The following PCDHGA4 variants were observed in gnomAD, a reference collection of about 807,000 sequenced individuals.
PCDHGA4 encodes protocadherin gamma-A4.
A neutral mutation model predicts 54.6 loss-of-function variants in PCDHGA4; 38 were observed. The observed-to-expected ratio is 0.70, with a 90% CI of 0.54 to 0.91. PCDHGA4 has a LOEUF of 0.91. PCDHGA4 is among the 40% of genes least tolerant of loss of function. The pLI, the probability that PCDHGA4 is intolerant of heterozygous loss-of-function variation, is 0.00. For missense variants in PCDHGA4, 1,298 were observed against 1,220.9 expected (o/e 1.06, Z -0.94); for synonymous variants, 511 against 512.9 (o/e 1.00, Z 0.05).
rs762306215 is a variant in PCDHGA4 at position 141,374,474 on chromosome 5, C to A, written c.2514+16853C>A. On this transcript the variant is annotated intron_variant, in intron 1 of 3. Transcript: ENST00000571252. ...AATAGTGGACATTAATGACAATACA[C>A]CCCGATTCTTAAAGGAAGAATTGGA... 3.7e-6 allele frequency: 6 copies of A among 1,612,140 alleles called. No individual in the cohort carries two copies. In the African/African-American group the frequency reaches 4.0e-5, roughly 11 times the overall value.
chr5:141,421,231 G>T (rs1368484504), intron 1 of PCDHGA4: 1 of 1,590,694 alleles, frequency 6.3e-7, no homozygotes, highest in South Asian at 1.1e-5. Context: ...GCCTGCCATG[G>T]CGAATCGGCT....
At chr5:141,408,816 A>T in intron 1 of PCDHGA4, 1 of 1,613,562 alleles carries the variant, frequency 6.2e-7, no homozygotes, top group East Asian at 2.2e-5. Flanking sequence ...CGGGAAGAAC[A>T]GAGATCTCAT....
At position 141,431,735 on chromosome 5, in the gene PCDHGA4, G is replaced by A. The variant is rs2097411908; in HGVS notation, c.2515-63072G>A. 1.2e-6 allele frequency: 2 copies of A among 1,614,118 alleles called. No homozygotes were observed. Among genetic ancestry groups the A allele is most frequent in the Non-Finnish European group, 1.7e-6 (2 of 1,180,056 alleles). On this transcript the variant is annotated intron_variant, in intron 1 of 3. Transcript: ENST00000571252. The surrounding 1 kb of genome is among the most constrained non-coding windows in gnomAD (Gnocchi z 4.8). ...GGAAGTGCAAGCAATGGATAATGCAGGATATTCTGCGCGAGCCAAAGTCCT... is the reference window on the plus strand; with the variant it reads ...GGAAGTGCAAGCAATGGATAATGCAAGATATTCTGCGCGAGCCAAAGTCCT...
intron 1 of PCDHGA4, among the ~76,000 whole-genome samples, chr5:141,457,674 A>G (rs577008886): frequency 2.9e-4 from 44 of 152,256 alleles, no homozygotes; most frequent in South Asian, 2.1e-4. Flanking sequence ...GGTTATTTCT[A>G]CATAGGACTT....
chr5:141,407,807 T>C (rs916388568), intron 1 of PCDHGA4, among the ~76,000 whole-genome samples: 1 of 152,202 alleles, frequency 6.6e-6, no homozygotes, highest in African/African-American at 2.4e-5. Flanking sequence ...CATAGAAATA[T>C]CTACTATAAT....
intron 1 of PCDHGA4, chr5:141,361,833 G>A (rs376471858): frequency 1.3e-4 from 207 of 1,612,780 alleles, no homozygotes; most frequent in Non-Finnish European, 1.7e-4. Flanking sequence ...TGTACCCCGC[G>A]CTGGGGCCTG....
chr5:141,494,236 T>C (rs1384800217), intron 1 of PCDHGA4, among the ~76,000 whole-genome samples: 7 of 152,128 alleles, frequency 4.6e-5, no homozygotes, highest in Non-Finnish European at 1.0e-4. Flanking sequence ...AAATTAATAA[T>C]GTATTTAGCT....
At chr5:141,419,901 C>A (rs2096446114) in intron 1 of PCDHGA4, 5 of 1,614,108 alleles carry the variant, frequency 3.1e-6, no homozygotes, top group Non-Finnish European at 4.2e-6. Flanking sequence ...CATCCCACAC[C>A]CTCTGACTCC....
intron 1 of PCDHGA4, chr5:141,389,929 T>A: frequency 6.2e-7 from 1 of 1,614,012 alleles, no homozygotes; most frequent in Non-Finnish European, 8.5e-7. Context: ...CCCTCTGACC[T>A]CCAGGCTGAG....
rs1771007417 is a variant in PCDHGA4, at chr5:141,374,980, A to G, written c.2514+17359A>G. ...TTTTCTGTTTGAATGTTTTGACTGG[A>G]GAAATTTCAACTTCTGCAAATCTAG... On this transcript the variant is annotated intron_variant, in intron 1 of 3. Transcript: ENST00000571252. 3 of 1,613,920 alleles carry G rather than the reference A, an allele frequency of 1.9e-6. No homozygotes were observed. The Admixed American group carries it at 5.0e-5, about 27-fold the overall frequency.
Position 141,394,674 on chromosome 5 carries a change from C to A in PCDHGA4, c.2514+37053C>A, listed in dbSNP as rs1236446796. ...CGAGCCGGGACTCTTCTCGGTGGGT[C>A]TGCACACGGGCGAGGTGCGCACGGC... On this transcript the variant is annotated intron_variant, in intron 1 of 3. Coordinates refer to ENST00000571252, the MANE Select transcript of PCDHGA4 (RefSeq NM_018917.4). 5.0e-6 allele frequency: 8 copies of A among 1,612,640 alleles called. No homozygotes were observed. The highest frequency in any genetic ancestry group is 6.8e-6 in the Non-Finnish European group (8 of 1,179,760).
chr5:141,408,924 T>G, intron 1 of PCDHGA4: 1 of 1,612,706 alleles, frequency 6.2e-7, no homozygotes. Flanking sequence ...AACCCCCCGG[T>G]TTTCAGCAGA....
chr5:141,417,647 C>G, intron 1 of PCDHGA4: 8 of 812,384 alleles, frequency 9.8e-6, no homozygotes, highest in Non-Finnish European at 1.5e-5. Flanking sequence ...ATCCCTCAGC[C>G]TCTAGCCTGG....
chr5:141,393,072 G>A (rs2092669892), intron 1 of PCDHGA4: 1 of 1,613,680 alleles, frequency 6.2e-7, no homozygotes. Flanking sequence ...CTTGATCACC[G>A]CGGGCAGGAT....
intron 1 of PCDHGA4, among the ~76,000 whole-genome samples, chr5:141,358,782 T>C (rs1761019410): frequency 6.6e-6 from 1 of 152,248 alleles, no homozygotes; most frequent in Non-Finnish European, 1.5e-5. Flanking sequence ...AAGGTTGAGT[T>C]ACTTGGGTTC....
At chr5:141,365,429 G>T (rs781264093) in intron 1 of PCDHGA4, 7 of 1,613,990 alleles carry the variant, frequency 4.3e-6, no homozygotes, top group Non-Finnish European at 4.2e-6. Flanking sequence ...AACTGTAATC[G>T]CGCTGTTTAG....
chr5:141,482,500 G>T (rs1409735210), intron 1 of PCDHGA4, among the ~76,000 whole-genome samples: 1 of 133,788 alleles, frequency 7.5e-6, no homozygotes, highest in Non-Finnish European at 1.5e-5. Flanking sequence ...TATCATTCTG[G>T]TACCCAGAGT....
At chr5:141,500,509 G>A (rs1048476645) in intron 2 of PCDHGA4, among the ~76,000 whole-genome samples, 19 of 152,100 alleles carry the variant, frequency 1.2e-4, no homozygotes, top group South Asian at 4.2e-4. Context: ...GCGCCTGGCC[G>A]AGCTTCATTT....
chr5:141,476,123 C>G lies in PCDHGA4; in HGVS notation c.2515-18684C>G. Reference sequence around the variant, plus strand: ...GGAACTGCTTTTGAGTGAGATGGTCCCAGAGGCCTGGAGGAGCGGACTGGT... The same window carrying G: ...GGAACTGCTTTTGAGTGAGATGGTCGCAGAGGCCTGGAGGAGCGGACTGGT... On this transcript the variant is annotated intron_variant, in intron 1 of 3. Coordinates refer to ENST00000571252, the MANE Select transcript of PCDHGA4 (RefSeq NM_018917.4). This position sits in a 1 kb window ranked among gnomAD's most constrained non-coding sequence, Gnocchi z 7.6. 1 of 1,602,442 alleles carries G rather than the reference C, an allele frequency of 6.2e-7. No individual in the cohort carries two copies. The highest frequency in any genetic ancestry group is 8.5e-7 in the Non-Finnish European group (1 of 1,176,022).
Sources: gnomAD v4.1 joint callset for allele counts (sites outside exome capture counted in the v4.1 genomes callset) on GRCh38, gnomAD v4.1.1 for gene constraint, Gnocchi (gnomAD v3.1) non-coding constraint, MANE v1.5 for transcripts, NCBI Gene and HGNC (gene_info 2026-07-23, HGNC 2026-07-21) for gene names.